The following PRKCA variants were observed in gnomAD, a reference collection of about 807,000 sequenced individuals.
PRKCA encodes the protein protein kinase C alpha.
A neutral mutation model predicts 87.0 loss-of-function variants in PRKCA; 27 were observed. The ratio of observed to expected loss-of-function variants is 0.31; its 90% CI spans 0.23 to 0.43. The LOEUF (loss-of-function observed/expected upper bound fraction) is 0.43, where lower values mean the gene tolerates loss of function less well. PRKCA is among the 20% of genes least tolerant of loss of function. The pLI is 1.00. For synonymous variants in PRKCA, 329 were observed against 311.1 expected (o/e 1.06, Z -0.61); for missense variants, 518 against 852.3 (o/e 0.61, Z 4.88).
At chr17:66,688,585 T>C in intron 7 of PRKCA, 149 bp downstream of exon 7, 1 of 1,063,480 alleles carries the variant, frequency 9.4e-7, no homozygotes, top group Non-Finnish European at 1.3e-6. Flanking sequence ...GGTGGATTGC[T>C]TGAGCTCTGA....
At chr17:66,305,039 C>T (rs1348191087) in intron 1 of PRKCA, among the ~76,000 whole-genome samples, 1 of 152,152 alleles carries the variant, frequency 6.6e-6, no homozygotes, top group South Asian at 2.1e-4. Context: ...GCTGAAGAGG[C>T]GCTCAGGTCA....
rs36045417 is a variant in PRKCA, at chr17:66,626,362, A to ATTT, written c.289-14978_289-14976dup. ...ACCACCATGCCCAGCTAGTTTTTGT[A>ATTT]TTTTTTTTTTTTTTTTTGAGACAGA... On this transcript the variant is annotated intron_variant, in intron 3 of 16. Transcript: ENST00000413366. Among the ~76,000 whole-genome samples, 24 of 124,436 alleles carry ATTT rather than the reference A, an allele frequency of 1.9e-4. 1 individual carries two copies. The East Asian group carries it at 2.5e-3, about 13-fold the overall frequency. The allele number at this position is 124,436 out of a possible 152,430, so 81.6% of individuals were successfully genotyped here.
At chr17:66,662,171 G>A (rs1971924664) in intron 5 of PRKCA, among the ~76,000 whole-genome samples, 2 of 152,140 alleles carry the variant, frequency 1.3e-5, no homozygotes, top group South Asian at 4.1e-4. Context: ...GGAAACTGAT[G>A]TGTCTCCTGC....
chr17:66,740,062 T>C (rs1974123901), intron 11 of PRKCA, among the ~76,000 whole-genome samples: 1 of 152,094 alleles, frequency 6.6e-6, no homozygotes, highest in South Asian at 2.1e-4. Context: ...GCAGAACTTA[T>C]TGACTATGGA....
chr17:66,445,330 C>T (rs777300109), intron 2 of PRKCA, among the ~76,000 whole-genome samples: 5 of 152,200 alleles, frequency 3.3e-5, no homozygotes, highest in Non-Finnish European at 4.4e-5. Context: ...AAATGGCATC[C>T]GGGATTCACA....
At chr17:66,565,674 G>A (rs1040205751) in intron 3 of PRKCA, among the ~76,000 whole-genome samples, 1 of 151,996 alleles carries the variant, frequency 6.6e-6, no homozygotes, top group Non-Finnish European at 1.5e-5. Flanking sequence ...GAAGTCTGGA[G>A]AAGGCTGATG....
intron 3 of PRKCA, among the ~76,000 whole-genome samples, chr17:66,528,277 C>G (rs1296692983): frequency 6.7e-6 from 1 of 148,918 alleles, no homozygotes; most frequent in Non-Finnish European, 1.5e-5. Context: ...GTGATTGTAA[C>G]CATAGAATAA....
intron 5 of PRKCA, among the ~76,000 whole-genome samples, chr17:66,670,018 A>G (rs1365414511): frequency 6.6e-6 from 1 of 152,232 alleles, no homozygotes; most frequent in Non-Finnish European, 1.5e-5. Context: ...TAGACCTCTA[A>G]TCGTATGCAC....
chr17:66,396,799 A>G (rs1008523585), intron 2 of PRKCA, among the ~76,000 whole-genome samples: 1 of 150,388 alleles, frequency 6.6e-6, no homozygotes, highest in Non-Finnish European at 1.5e-5. Flanking sequence ...TCGCCCTGTC[A>G]TTAATTTAAT....
chr17:66,558,237 G>GAA (rs564484164), intron 3 of PRKCA, among the ~76,000 whole-genome samples: 35 of 152,216 alleles, frequency 2.3e-4, no homozygotes, highest in Non-Finnish European at 5.1e-4. Flanking sequence ...TGCAGACACC[G>GAA]AAGCATAAAC....
chr17:66,542,205 A>G (rs1315177836), intron 3 of PRKCA, among the ~76,000 whole-genome samples: 1 of 152,234 alleles, frequency 6.6e-6, no homozygotes, highest in Non-Finnish European at 1.5e-5. Context: ...GTTCTGTATT[A>G]GATGGTGATT....
intron 2 of PRKCA, among the ~76,000 whole-genome samples, chr17:66,436,889 A>C (rs1380938128): frequency 6.6e-6 from 1 of 152,178 alleles, no homozygotes; most frequent in East Asian, 1.9e-4. Flanking sequence ...ATGAGAATTA[A>C]GTGAAAATTG....
intron 3 of PRKCA, among the ~76,000 whole-genome samples, chr17:66,536,801 T>C (rs1365628505): frequency 6.6e-6 from 1 of 152,230 alleles, no homozygotes; most frequent in Non-Finnish European, 1.5e-5. Context: ...TGTGGATTCC[T>C]GGGACAGACT....
At chr17:66,724,679 C>T (rs931132880) in intron 8 of PRKCA, among the ~76,000 whole-genome samples, 11 of 152,232 alleles carry the variant, frequency 7.2e-5, no homozygotes, top group African/African-American at 2.2e-4. Flanking sequence ...CCACGTTGGG[C>T]CGTGTTTGTA....
At position 66,803,126 on chromosome 17, in the gene PRKCA, C is replaced by T. The variant is rs1371548294; in HGVS notation, c.1855-747C>T. ...GTGCAACAGTTCTGCCTGGAGTGGA[C>T]CCTGGAGGAGAGGAACAGCCGAGAC... On this transcript the variant is annotated intron_variant, in intron 16 of 16. Coordinates refer to ENST00000413366, the MANE Select transcript of PRKCA (RefSeq NM_002737.3). This position sits in a 1 kb window ranked among gnomAD's most constrained non-coding sequence, Gnocchi z 4.4. Among the ~76,000 whole-genome samples the T allele has an allele frequency of 6.6e-6, 1 of 152,156 alleles. No individual in the cohort carries two copies. Among genetic ancestry groups the T allele is most frequent in the Non-Finnish European group, 1.5e-5 (1 of 68,016 alleles).
At chr17:66,477,720 C>G (rs1402794625) in intron 2 of PRKCA, among the ~76,000 whole-genome samples, 1 of 152,052 alleles carries the variant, frequency 6.6e-6, no homozygotes, top group Non-Finnish European at 1.5e-5. Flanking sequence ...ACAAACACAG[C>G]TTTGTAATAT....
intron 2 of PRKCA, among the ~76,000 whole-genome samples, chr17:66,458,409 C>T (rs75471369): frequency 0.06 from 9,086 of 152,178 alleles, 307 homozygotes; most frequent in Admixed American, 0.12. Context: ...TTAAGACCCC[C>T]CAGTAGAATA....
At chr17:66,747,073 A>G (rs753917058) in intron 13 of PRKCA, among the ~76,000 whole-genome samples, 1 of 152,078 alleles carries the variant, frequency 6.6e-6, no homozygotes, top group Non-Finnish European at 1.5e-5. Context: ...TTTTGTTCTA[A>G]GAACTTTATT....
At chr17:66,391,217 T>A (rs1424044874) in intron 2 of PRKCA, among the ~76,000 whole-genome samples, 1 of 152,184 alleles carries the variant, frequency 6.6e-6, no homozygotes, top group Non-Finnish European at 1.5e-5. Context: ...TTTCACCCTG[T>A]CCCCACACGT....
Sources: gnomAD v4.1 joint callset for allele counts (sites outside exome capture counted in the v4.1 genomes callset) on GRCh38, gnomAD v4.1.1 for gene constraint, Gnocchi (gnomAD v3.1) non-coding constraint, MANE v1.5 for transcripts, NCBI Gene and HGNC (gene_info 2026-07-23, HGNC 2026-07-21) for gene names.